Variants in SLC35F1 observed in about 807,000 individuals in gnomAD.
The protein encoded by SLC35F1 is solute carrier family 35 member F1, also known as chromosome 6 open reading frame 169.
Under a neutral mutation model 48.7 loss-of-function variants are expected in SLC35F1, and 14 were observed. That is an observed-to-expected ratio of 0.29 (90% CI 0.19 to 0.45). SLC35F1 has a LOEUF of 0.45. Among genes scored for constraint, SLC35F1 ranks in the 20% least tolerant of loss-of-function variants. The pLI is 1.00. For synonymous variants in SLC35F1, 190 were observed against 202.2 expected, an observed-to-expected ratio of 0.94 and a Z score of 0.51; for missense variants, 404 against 500.0, an observed-to-expected ratio of 0.81 and a Z score of 1.83.
At chr6:118,097,784 A>G (rs969019192) in intron 1 of SLC35F1, among the ~76,000 whole-genome samples, 2 of 152,204 alleles carry the variant, frequency 1.3e-5, no homozygotes, top group Admixed American at 6.5e-5. Context: ...TAAAAATAGC[A>G]CTGAGCTTAA....
chr6:118,071,059 T>A (rs57563766), intron 1 of SLC35F1, among the ~76,000 whole-genome samples: 2 of 1,184 alleles, frequency 1.7e-3, no homozygotes, highest in Admixed American at 8.9e-3. Flanking sequence ...GTATATATAT[T>A]CTACGTATAT....
intron 1 of SLC35F1, among the ~76,000 whole-genome samples, chr6:118,111,445 T>C (rs961634023): frequency 6.6e-6 from 1 of 152,146 alleles, no homozygotes; most frequent in African/African-American, 2.4e-5. Flanking sequence ...GGGAAGTATT[T>C]AAAAGTGTTG....
chr6:118,138,526 C>T (rs1021135003), intron 1 of SLC35F1, among the ~76,000 whole-genome samples: 1 of 152,146 alleles, frequency 6.6e-6, no homozygotes, highest in African/African-American at 2.4e-5. Flanking sequence ...ACTATATCAG[C>T]AACCGAGTCA....
chr6:118,006,025 A>T (rs944111351), intron 1 of SLC35F1, among the ~76,000 whole-genome samples: 1 of 152,228 alleles, frequency 6.6e-6, no homozygotes, highest in African/African-American at 2.4e-5. Flanking sequence ...TTATAATTAC[A>T]ATTGATTTAT....
At chr6:118,002,903 G>A in intron 1 of SLC35F1, among the ~76,000 whole-genome samples, 1 of 151,974 alleles carries the variant, frequency 6.6e-6, no homozygotes, top group East Asian at 1.9e-4. Context: ...TATCAGATCA[G>A]TTTTATATTA....
intron 1 of SLC35F1, among the ~76,000 whole-genome samples, chr6:118,066,302 G>A (rs950750220): frequency 2.6e-5 from 4 of 152,124 alleles, no homozygotes; most frequent in Admixed American, 1.3e-4. Context: ...TCAATAAAAT[G>A]TCTAAGATAA....
chr6:118,198,725 G>C (rs1356961060), intron 2 of SLC35F1, among the ~76,000 whole-genome samples: 1 of 152,142 alleles, frequency 6.6e-6, no homozygotes, highest in African/African-American at 2.4e-5. Flanking sequence ...ACACACCTGT[G>C]TGTGTATATG....
At chr6:117,925,503 C>G (rs1171897156) in intron 1 of SLC35F1, among the ~76,000 whole-genome samples, 2 of 152,174 alleles carry the variant, frequency 1.3e-5, no homozygotes, top group Non-Finnish European at 2.9e-5. Flanking sequence ...ATGCTTGAAG[C>G]TTGCCCTATC....
At chr6:118,034,861 T>C (rs947801746) in intron 1 of SLC35F1, among the ~76,000 whole-genome samples, 1 of 152,176 alleles carries the variant, frequency 6.6e-6, no homozygotes, top group African/African-American at 2.4e-5. Context: ...TAATTTATAA[T>C]GTTCTTACTC....
chr6:118,282,525 A>G (rs989012934), intron 6 of SLC35F1, among the ~76,000 whole-genome samples: 6 of 152,252 alleles, frequency 3.9e-5, no homozygotes, highest in Non-Finnish European at 7.3e-5. Context: ...TTGCTCACCA[A>G]CTGGGCTTGT....
intron 7 of SLC35F1, among the ~76,000 whole-genome samples, chr6:118,298,839 A>C (rs955202938): frequency 6.6e-6 from 1 of 152,208 alleles, no homozygotes; most frequent in African/African-American, 2.4e-5. Flanking sequence ...TTCAGAGTTC[A>C]TTCCCTTAAG....
chr6:118,032,567 A>G (rs1393698385), intron 1 of SLC35F1, among the ~76,000 whole-genome samples: 2 of 152,192 alleles, frequency 1.3e-5, no homozygotes, highest in Non-Finnish European at 2.9e-5. Context: ...AAAAAATAAT[A>G]GTAATGTAGC....
chr6:118,127,042 C>A (rs1407095976), intron 1 of SLC35F1, among the ~76,000 whole-genome samples: 1 of 151,170 alleles, frequency 6.6e-6, no homozygotes, highest in Non-Finnish European at 1.5e-5. Flanking sequence ...TGAGAGAGGG[C>A]ATCCCTGTCT....
chr6:117,921,806 TA>T (rs1370044092), intron 1 of SLC35F1, among the ~76,000 whole-genome samples: 1 of 152,210 alleles, frequency 6.6e-6, no homozygotes, highest in Non-Finnish European at 1.5e-5. Flanking sequence ...AAACACCATT[TA>T]ATGCATTTAT....
At chr6:117,972,132 CA>C (rs1776650351) in intron 1 of SLC35F1, among the ~76,000 whole-genome samples, 1 of 152,206 alleles carries the variant, frequency 6.6e-6, no homozygotes, top group Admixed American at 6.5e-5. Flanking sequence ...TCATCCCTCT[CA>C]AGTTTGAGTT....
intron 2 of SLC35F1, among the ~76,000 whole-genome samples, chr6:118,183,081 G>C (rs1250402371): frequency 2.0e-5 from 3 of 152,158 alleles, no homozygotes; most frequent in Non-Finnish European, 4.4e-5. Context: ...TTCAAAGTAA[G>C]AAGAACTGTA....
chr6:118,125,700 T>C (rs1175510462), intron 1 of SLC35F1, among the ~76,000 whole-genome samples: 1 of 152,184 alleles, frequency 6.6e-6, no homozygotes, highest in African/African-American at 2.4e-5. Context: ...GGTTCTATCT[T>C]AACATGTTTC....
intron 1 of SLC35F1, among the ~76,000 whole-genome samples, chr6:117,925,289 T>C (rs13192257): frequency 0.45 from 68,724 of 151,928 alleles, 18,543 homozygotes; most frequent in South Asian, 0.73. Context: ...GATAAAGGAC[T>C]TGCATTTAGA....
intron 1 of SLC35F1, among the ~76,000 whole-genome samples, chr6:117,961,274 A>C (rs923914893): frequency 1.3e-5 from 2 of 152,192 alleles, no homozygotes; most frequent in African/African-American, 4.8e-5. Context: ...AATTATTCTG[A>C]CAACATTTTT....
Sources: allele counts gnomAD v4.1 joint callset (sites outside exome capture counted in the v4.1 genomes callset), GRCh38; gene constraint gnomAD v4.1.1; transcripts MANE v1.5; gene names NCBI Gene and HGNC (gene_info 2026-07-23, HGNC 2026-07-21).